Variants in KIRREL3 observed in about 807,000 individuals in gnomAD.
KIRREL3 encodes kirre like nephrin family adhesion molecule 3.
A neutral mutation model predicts 89.7 loss-of-function variants in KIRREL3; 36 were observed. The observed-to-expected ratio is 0.40, with a 90% confidence interval of 0.31 to 0.53. The LOEUF (loss-of-function observed/expected upper bound fraction) is 0.53, where lower values mean the gene tolerates loss of function less well. KIRREL3 is among the 20% of genes least tolerant of loss of function. KIRREL3 has a pLI of 0.49. For synonymous variants in KIRREL3, 445 were observed against 441.4 expected, an observed-to-expected ratio of 1.01 and a Z score of -0.10; for missense variants, 864 against 1,056.6, an observed-to-expected ratio of 0.82 and a Z score of 2.53.
chr11:126,504,833 A>G (rs971361228), intron 4 of KIRREL3, among the ~76,000 whole-genome samples: 4 of 152,264 alleles, frequency 2.6e-5, no homozygotes, highest in African/African-American at 9.6e-5. Context: ...TATCCCAGGA[A>G]TTCAAGGTTG....
chr11:126,443,527 C>G lies in KIRREL3; in HGVS notation c.1252+1452G>C, dbSNP rs1342717711. Among the ~76,000 whole-genome samples, 1 of 150,342 alleles carries G rather than the reference C, an allele frequency of 6.7e-6. No individual in the cohort carries two copies. Among genetic ancestry groups the G allele is most frequent in the Non-Finnish European group, 1.5e-5 (1 of 67,734 alleles). On this transcript the variant is annotated intron_variant, in intron 10 of 16. Transcript: ENST00000525144. The surrounding 1 kb of genome is among the most constrained non-coding windows in gnomAD (Gnocchi z 7.3). The stretch of plus-strand genomic sequence containing the variant: ...CTCTGCCAGGACAGGTGGCTGTGAA[C>G]GTGCTGGGGTCTGGGTAGACTCAGC...
intron 1 of KIRREL3, among the ~76,000 whole-genome samples, chr11:126,673,281 C>T (rs1187732112): frequency 2.0e-5 from 3 of 152,206 alleles, no homozygotes; most frequent in East Asian, 1.9e-4. Context: ...AATTGTGCTG[C>T]TTGTTCAGAA....
At chr11:126,529,536 C>T (rs777248730) in intron 2 of KIRREL3, among the ~76,000 whole-genome samples, 8 of 150,084 alleles carry the variant, frequency 5.3e-5, no homozygotes, top group Non-Finnish European at 8.8e-5. Flanking sequence ...TAGGATCCCA[C>T]AGGTTGCAGT....
intron 1 of KIRREL3, among the ~76,000 whole-genome samples, chr11:126,672,164 T>C (rs150102701): frequency 5.2e-4 from 79 of 152,344 alleles, no homozygotes; most frequent in African/African-American, 1.7e-3. Flanking sequence ...ATGCTGAGTG[T>C]TGTGGAACAG....
In KIRREL3 at chr11:126,708,071, G is replaced by T. The variant is rs911775206; in HGVS notation, c.56-145159C>A. 6.6e-6 allele frequency among the ~76,000 whole-genome samples: 1 copy of T among 152,092 alleles called. No individual in the cohort carries two copies. The highest frequency in any genetic ancestry group is 1.5e-5 in the Non-Finnish European group (1 of 68,028). ...CTGAAGCAGGTGATGATCTCCATAG[G>T]TCCCAGGGTATCCGTGCCCCGTTTG... On this transcript the variant is annotated intron_variant, in intron 1 of 16. Transcript: ENST00000525144. The surrounding 1 kb of genome is among the most constrained non-coding windows in gnomAD (Gnocchi z 5.7).
chr11:127,000,608 G>T lies in KIRREL3; in HGVS notation c.-99C>A. The stretch of plus-strand genomic sequence containing the variant: ...TGCTCAGCCTCCGCCGGTCCTCTCG[G>T]GTTCGCGCCTACCATCTGTCCGTCC... On this transcript the variant is annotated 5_prime_UTR_variant, in exon 1 of 17. Coordinates refer to ENST00000525144, the MANE Select transcript of KIRREL3 (RefSeq NM_032531.4). The surrounding 1 kb of genome is among the most constrained non-coding windows in gnomAD (Gnocchi z 7.1). The T allele has an allele frequency of 5.5e-6, 7 of 1,274,352 alleles. No individual in the cohort carries two copies. In the South Asian group the frequency reaches 8.1e-5, roughly 15 times the overall value. 78.9% of individuals were successfully genotyped at this position (1,274,352 alleles called of 1,614,324 possible).
At chr11:126,680,794 T>A (rs963000737) in intron 1 of KIRREL3, among the ~76,000 whole-genome samples, 14 of 151,742 alleles carry the variant, frequency 9.2e-5, no homozygotes, top group African/African-American at 3.4e-4. Flanking sequence ...TTTAAGGCAC[T>A]GATTCTAGGG....
At chr11:126,580,447 A>T (rs1205613692) in intron 1 of KIRREL3, among the ~76,000 whole-genome samples, 1 of 152,120 alleles carries the variant, frequency 6.6e-6, no homozygotes, top group East Asian at 1.9e-4. Context: ...GGCTTGAGCC[A>T]AGGGTTCAGG....
At chr11:126,863,707 G>A (rs1231587876) in intron 1 of KIRREL3, among the ~76,000 whole-genome samples, 1 of 152,112 alleles carries the variant, frequency 6.6e-6, no homozygotes, top group Non-Finnish European at 1.5e-5. Context: ...CAGTGTAGTA[G>A]CGGAGGAACA....
At position 126,978,417 on chromosome 11, in the gene KIRREL3, T is replaced by C. The variant is rs977373533; in HGVS notation, c.55+22038A>G. On this transcript the variant is annotated intron_variant, in intron 1 of 16. Transcript: ENST00000525144. The surrounding 1 kb of genome is among the most constrained non-coding windows in gnomAD (Gnocchi z 4.2). The stretch of plus-strand genomic sequence containing the variant: ...TTCTTTTCTTTGTTAACCCAACCCC[T>C]GGCAGCAATTATGTCCTAAAGGAAA... Among the ~76,000 whole-genome samples the C allele has an allele frequency of 3.9e-5, 6 of 152,288 alleles. No homozygotes were observed. Among genetic ancestry groups the C allele is most frequent in the African/African-American group, 1.2e-4 (5 of 41,568 alleles).
chr11:126,856,767 C>T (rs1023430694), intron 1 of KIRREL3, among the ~76,000 whole-genome samples: 1 of 151,902 alleles, frequency 6.6e-6, no homozygotes, highest in African/African-American at 2.4e-5. Flanking sequence ...AGGCGCCCGC[C>T]ACCATGCGCG....
At chr11:126,888,287 C>A (rs1945776618) in intron 1 of KIRREL3, among the ~76,000 whole-genome samples, 1 of 152,152 alleles carries the variant, frequency 6.6e-6, no homozygotes, top group African/African-American at 2.4e-5. Flanking sequence ...TCTCTGGGGC[C>A]TAGAGGAGTC....
At chr11:126,998,627 C>T (rs1210194597) in intron 1 of KIRREL3, among the ~76,000 whole-genome samples, 1 of 152,182 alleles carries the variant, frequency 6.6e-6, no homozygotes, top group Non-Finnish European at 1.5e-5. Context: ...ATGAAGCAGT[C>T]AAGAAACAGC....
intron 2 of KIRREL3, among the ~76,000 whole-genome samples, chr11:126,539,305 AGC>A (rs1938169936): frequency 6.6e-6 from 1 of 152,184 alleles, no homozygotes; most frequent in Non-Finnish European, 1.5e-5. Context: ...CTCTTAGTAC[AGC>A]GCAAATCTAG....
rs947946745 is a variant in KIRREL3, at chr11:126,656,685, C to T, written c.56-93773G>A. Reference sequence around the variant, plus strand: ...CAGATTTCTCCCTGCATAATTTCTCCGTATCTTTAGCACAGTTTGGTGATG... The same window carrying T: ...CAGATTTCTCCCTGCATAATTTCTCTGTATCTTTAGCACAGTTTGGTGATG... On this transcript the variant is annotated intron_variant, in intron 1 of 16. Transcript: ENST00000525144. This position sits in a 1 kb window ranked among gnomAD's most constrained non-coding sequence, Gnocchi z 4.0. 3.3e-5 allele frequency among the ~76,000 whole-genome samples: 5 copies of T among 152,206 alleles called. No individual in the cohort carries two copies. The highest frequency in any genetic ancestry group is 4.1e-4 in the South Asian group (2 of 4,828).
chr11:126,909,189 C>T lies in KIRREL3; in HGVS notation c.55+91266G>A, dbSNP rs998353715. ...ACCATGAACATGAAGTGTGGGAGAC[C>T]TAATTTCTCTTCTCAGGCAGGGAAG... On this transcript the variant is annotated intron_variant, in intron 1 of 16. Coordinates refer to ENST00000525144, the MANE Select transcript of KIRREL3 (RefSeq NM_032531.4). This position sits in a 1 kb window ranked among gnomAD's most constrained non-coding sequence, Gnocchi z 4.5. Among the ~76,000 whole-genome samples the T allele has an allele frequency of 6.6e-6, 1 of 151,994 alleles. No individual in the cohort carries two copies. The highest frequency in any genetic ancestry group is 2.4e-5 in the African/African-American group (1 of 41,378).
At chr11:126,453,433 T>C (rs12801239) in intron 7 of KIRREL3, among the ~76,000 whole-genome samples, 44,120 of 152,146 alleles carry the variant, frequency 0.29, 6,843 homozygotes, top group Admixed American at 0.34. Flanking sequence ...GCTTCAGAGA[T>C]GACAGCCTCT....
In KIRREL3 at chr11:126,639,768, G is replaced by C. The variant is rs1411282119; in HGVS notation, c.56-76856C>G. On this transcript the variant is annotated intron_variant, in intron 1 of 16. Coordinates refer to ENST00000525144, the MANE Select transcript of KIRREL3 (RefSeq NM_032531.4). The surrounding 1 kb of genome is among the most constrained non-coding windows in gnomAD (Gnocchi z 4.3). ...CAGTCATTTACAAAGTTATTTTTGA[G>C]CCACTAGGATTCTTGTGAAATAGAC... is the stretch of plus-strand genomic sequence containing the variant. Among the ~76,000 whole-genome samples the C allele has an allele frequency of 6.6e-6, 1 of 152,146 alleles. No individual in the cohort carries two copies. Among genetic ancestry groups the C allele is most frequent in the African/African-American group, 2.4e-5 (1 of 41,436 alleles).
intron 1 of KIRREL3, among the ~76,000 whole-genome samples, chr11:126,700,193 C>A (rs1417103192): frequency 2.4e-4 from 35 of 143,922 alleles, no homozygotes; most frequent in Non-Finnish European, 3.1e-4. Context: ...GACTTTGTCA[C>A]AAAAAAAAAA....
Sources: gnomAD v4.1 joint callset for allele counts (sites outside exome capture counted in the v4.1 genomes callset) on GRCh38, gnomAD v4.1.1 for gene constraint, Gnocchi (gnomAD v3.1) non-coding constraint, MANE v1.5 for transcripts, NCBI Gene and HGNC (gene_info 2026-07-23, HGNC 2026-07-21) for gene names.